Variants in DACH2 observed in about 807,000 individuals in gnomAD.
The protein encoded by DACH2 is dachshund family transcription factor 2.
A neutral mutation model predicts 35.8 loss-of-function variants in DACH2; 17 were observed. The observed-to-expected ratio is 0.48, with a 90% confidence interval of 0.33 to 0.71. DACH2 has a LOEUF of 0.71. Ranked by LOEUF, DACH2 falls within the 30% of genes least tolerant of loss-of-function variation. The pLI is 0.02. For synonymous variants in DACH2, 195 were observed against 177.3 expected (o/e 1.10, Z -0.79); for missense variants, 469 against 472.7 (o/e 0.99, Z 0.07).
At chrX:86,624,496 A>G (rs1438733305) in intron 3 of DACH2, among the ~76,000 whole-genome samples, 1 of 112,020 alleles carries the variant, frequency 8.9e-6, no homozygotes, top group Non-Finnish European at 1.9e-5. Context: ...TATTAGGATC[A>G]CAAACAGAAG....
At chrX:86,281,085 T>C (rs969157353) in intron 1 of DACH2, among the ~76,000 whole-genome samples, 19 of 111,313 alleles carry the variant, frequency 1.7e-4, no homozygotes, top group African/African-American at 5.2e-4. Context: ...AACTCAGCTC[T>C]GGACCAAGAA....
intron 1 of DACH2, among the ~76,000 whole-genome samples, chrX:86,212,227 C>A (rs190277812): frequency 5.0e-3 from 554 of 111,519 alleles, no homozygotes; most frequent in Non-Finnish European, 7.3e-3. Flanking sequence ...GTGTTTTCTG[C>A]AAAATTATTA....
intron 1 of DACH2, among the ~76,000 whole-genome samples, chrX:86,234,089 ATC>A (rs1438606493): frequency 2.7e-5 from 3 of 112,076 alleles, no homozygotes; most frequent in Non-Finnish European, 5.6e-5. Context: ...GTAGATAAAC[ATC>A]TCTCTGCATT....
intron 6 of DACH2, among the ~76,000 whole-genome samples, chrX:86,727,390 T>A (rs911190500): frequency 2.5e-4 from 28 of 112,059 alleles, no homozygotes; most frequent in African/African-American, 8.4e-4. Context: ...TTGTGAAAAT[T>A]TACAGAAAGA....
At chrX:86,531,498 T>C (rs901219355) in intron 3 of DACH2, among the ~76,000 whole-genome samples, 6 of 112,096 alleles carry the variant, frequency 5.4e-5, no homozygotes, top group African/African-American at 1.9e-4. Flanking sequence ...AAGGCACTGC[T>C]TGGGCTGTTC....
intron 7 of DACH2, among the ~76,000 whole-genome samples, chrX:86,764,504 A>G (rs996953318): frequency 1.8e-5 from 2 of 111,677 alleles, no homozygotes; most frequent in African/African-American, 6.5e-5. Flanking sequence ...CTTGCATTAG[A>G]TCACTTAGGA....
chrX:86,610,363 C>CTCTTTCTTTCTTTCTTTCTTTCTTTCTT (rs201309617), intron 3 of DACH2, among the ~76,000 whole-genome samples: 2 of 70,096 alleles, frequency 2.9e-5, no homozygotes, highest in Admixed American at 1.9e-4. Context: ...TCCTTCCTTC[C>CTCTTTCTTTCTTTCTTTCTTTCTTTCTT]TCTTTCTTTC....
intron 3 of DACH2, among the ~76,000 whole-genome samples, chrX:86,593,444 T>C (rs1013319466): frequency 5.7e-5 from 6 of 105,816 alleles, no homozygotes; most frequent in African/African-American, 1.8e-4. Context: ...TTTTATTTTT[T>C]GAGACAGTGT....
At chrX:86,326,510 CACAT>C (rs770087512) in intron 1 of DACH2, among the ~76,000 whole-genome samples, 75 of 90,965 alleles carry the variant, frequency 8.2e-4, no homozygotes, top group Non-Finnish European at 1.5e-3. Context: ...CACACACACA[CACAT>C]ATATATATAT....
intron 1 of DACH2, among the ~76,000 whole-genome samples, chrX:86,296,939 C>T (rs1465136182): frequency 2.8e-5 from 3 of 108,782 alleles, no homozygotes; most frequent in Non-Finnish European, 5.7e-5. Flanking sequence ...TATAGACACA[C>T]ATGTCATAAC....
intron 1 of DACH2, among the ~76,000 whole-genome samples, chrX:86,150,382 C>G (rs2030322896): frequency 8.9e-6 from 1 of 112,544 alleles, no homozygotes; most frequent in Non-Finnish European, 1.9e-5. Flanking sequence ...AAAACTGTAA[C>G]AGTTTGCCAC....
At chrX:86,292,773 G>A (rs1432423917) in intron 1 of DACH2, among the ~76,000 whole-genome samples, 10 of 111,921 alleles carry the variant, frequency 8.9e-5, no homozygotes, top group Non-Finnish European at 1.7e-4. Context: ...TAGTTTGATT[G>A]CACTGTAGTC....
At chrX:86,501,059 TC>T in intron 2 of DACH2, among the ~76,000 whole-genome samples, 1 of 111,938 alleles carries the variant, frequency 8.9e-6, no homozygotes. Flanking sequence ...TGATTTGTCT[TC>T]CCCCACCTAA....
chrX:86,249,320 T>A (rs6623601), intron 1 of DACH2, among the ~76,000 whole-genome samples: 43,868 of 109,977 alleles, frequency 0.4, 6,533 homozygotes, highest in East Asian at 0.74. Flanking sequence ...AAATGTCTCA[T>A]ATCCAGAACC....
intron 3 of DACH2, among the ~76,000 whole-genome samples, chrX:86,628,742 C>T (rs781455233): frequency 8.9e-6 from 1 of 111,820 alleles, no homozygotes; most frequent in South Asian, 3.7e-4. Flanking sequence ...AATCACTATT[C>T]TGAAGAGTGG....
At chrX:86,311,640 C>A (rs1479614106) in intron 1 of DACH2, among the ~76,000 whole-genome samples, 1 of 111,412 alleles carries the variant, frequency 9.0e-6, no homozygotes, top group Non-Finnish European at 1.9e-5. Context: ...CCTGTTCCTG[C>A]AACATTACGT....
At chrX:86,735,799 A>G (rs2041588733) in intron 6 of DACH2, among the ~76,000 whole-genome samples, 1 of 111,929 alleles carries the variant, frequency 8.9e-6, no homozygotes, top group African/African-American at 3.2e-5. Context: ...CATAAATGCC[A>G]CATAAATGAA....
chrX:86,312,798 C>A (rs766818051), intron 1 of DACH2, among the ~76,000 whole-genome samples: 6 of 111,223 alleles, frequency 5.4e-5, no homozygotes, highest in Non-Finnish European at 5.6e-5. Flanking sequence ...TATTGTGGGA[C>A]CTTGTGATTG....
At chrX:86,714,183 A>C (rs2041309693) in intron 5 of DACH2, among the ~76,000 whole-genome samples, 1 of 111,975 alleles carries the variant, frequency 8.9e-6, no homozygotes. Context: ...ACATCAATGC[A>C]TTATTGTTAT....
Sources: gnomAD v4.1 joint callset for allele counts (sites outside exome capture counted in the v4.1 genomes callset) on GRCh38, gnomAD v4.1.1 for gene constraint, MANE v1.5 for transcripts, NCBI Gene and HGNC (gene_info 2026-07-23, HGNC 2026-07-21) for gene names.